The following RFWD3 variants were observed in gnomAD, a reference collection of about 807,000 sequenced individuals.
The protein encoded by RFWD3 is E3 ubiquitin-protein ligase RFWD3.
In RFWD3, 65 loss-of-function variants were observed where a neutral mutation model predicts 87.7. That is an observed-to-expected ratio of 0.74 (90% CI 0.61 to 0.91). The LOEUF is 0.91. RFWD3 is among the 40% of genes least tolerant of loss of function. The probability of loss-of-function intolerance (pLI) is 0.00; values close to 1 mark genes in which losing one functional copy is unlikely to be tolerated. For missense variants in RFWD3, 1,078 were observed against 938.5 expected (o/e 1.15, Z -1.94); for synonymous variants, 433 against 352.8 (o/e 1.23, Z -2.55).
intron 4 of RFWD3, among the ~76,000 whole-genome samples, chr16:74,647,889 G>A (rs1960280358): frequency 6.6e-6 from 1 of 152,146 alleles, no homozygotes. Flanking sequence ...ACCGCGCCCA[G>A]CCCATTATTT....
intron 12 of RFWD3, among the ~76,000 whole-genome samples, chr16:74,625,272 G>C (rs1336988465): frequency 6.6e-6 from 1 of 150,910 alleles, no homozygotes; most frequent in Admixed American, 6.6e-5. Context: ...TGTAATCTTA[G>C]TAGTCTGTGA....
At chr16:74,661,517 A>C in intron 1 of RFWD3, 66 bp from the exon 2 acceptor site, 2 of 1,294,694 alleles carry the variant, frequency 1.5e-6, no homozygotes, top group East Asian at 2.3e-5. Context: ...AGGTGACAGA[A>C]TCATATTTAA....
chr16:74,628,438 C>G lies in RFWD3; in HGVS notation c.1969+14G>C, dbSNP rs765531645. The G allele has an allele frequency of 6.8e-6, 11 of 1,612,830 alleles. No individual in the cohort carries two copies. The Admixed American group carries it at 1.8e-4, about 27-fold the overall frequency. ...GCTCCCAAATAAGCTATGGGAGACC[C>G]CAGCACTACTTACCAGGCCTGTAGG... On this transcript the variant is annotated intron_variant, in intron 11 of 12. Transcript: ENST00000361070.
intron 2 of RFWD3, 194 bp downstream of exon 2, chr16:74,660,738 G>C (rs1961360805): frequency 3.4e-6 from 2 of 595,762 alleles, no homozygotes; most frequent in Non-Finnish European, 5.8e-6. Flanking sequence ...AGTTTTCAAG[G>C]CACAACAGTT....
chr16:74,624,204 C>A (rs1755202315), intron 12 of RFWD3, 133 bp from the exon 13 acceptor site: 4 of 1,076,368 alleles, frequency 3.7e-6, no homozygotes, highest in Non-Finnish European at 5.2e-6. Flanking sequence ...CTGTCCCTAA[C>A]CTTTGCAAGG....
chr16:74,626,590 A>G (rs565118247), intron 11 of RFWD3, 36 bp from the exon 12 acceptor site: 6 of 1,566,198 alleles, frequency 3.8e-6, no homozygotes, highest in Non-Finnish European at 5.3e-6. Flanking sequence ...CACCATGGGG[A>G]CGCTACACAA....
intron 3 of RFWD3, 54 bp downstream of exon 3, chr16:74,651,866 T>A: frequency 6.6e-7 from 1 of 1,520,730 alleles, no homozygotes; most frequent in East Asian, 2.3e-5. Context: ...CCTTCCGAAA[T>A]TTAAGCTTCA....
In RFWD3 at chr16:74,649,131, C is replaced by T. The variant is rs773795460; in HGVS notation, c.792+1G>A. On this transcript the variant is annotated splice_donor_variant, in intron 4 of 12. Coordinates refer to ENST00000361070, the MANE Select transcript of RFWD3 (RefSeq NM_018124.4). LOFTEE classifies it high-confidence loss of function. ...TTTTTTTAAAATGATGTTCATATTA[C>T]CTGTTTGGGGAGGGTCTTGCCTCCA... 1.9e-6 allele frequency: 3 copies of T among 1,563,402 alleles called. No homozygotes were observed. Among genetic ancestry groups the T allele is most frequent in the Non-Finnish European group, 1.7e-6 (2 of 1,155,654 alleles).
At chr16:74,635,208 T>C (rs1450633552) in intron 8 of RFWD3, among the ~76,000 whole-genome samples, 1 of 151,194 alleles carries the variant, frequency 6.6e-6, no homozygotes, top group Non-Finnish European at 1.5e-5. Flanking sequence ...ACCCGAGAGG[T>C]GGAGCTTGCA....
At chr16:74,632,118 C>G (rs961909859) in intron 9 of RFWD3, among the ~76,000 whole-genome samples, 4 of 151,982 alleles carry the variant, frequency 2.6e-5, no homozygotes, top group Non-Finnish European at 4.4e-5. Flanking sequence ...CGGCTGGGCG[C>G]AGTGGCTCAC....
chr16:74,653,697 G>T (rs1487579328), intron 2 of RFWD3, among the ~76,000 whole-genome samples: 2 of 152,034 alleles, frequency 1.3e-5, no homozygotes, highest in East Asian at 3.9e-4. Context: ...ACTGACAGGT[G>T]ACCTACTAGA....
chr16:74,630,830 C>T lies in RFWD3; in HGVS notation c.1705G>A (p.Val569Met), dbSNP rs765886734. 11 of 1,613,058 alleles carry T rather than the reference C, an allele frequency of 6.8e-6. No homozygotes were observed. The highest frequency in any genetic ancestry group is 1.7e-4 in the Middle Eastern group (1 of 6,060). Residue 569 changes from valine (V) to methionine (M), a missense_variant, in exon 10 of 13, where the codon GTG (valine) becomes ATG (methionine). By Grantham distance (21) the Val-to-Met change is conservative. Transcript: ENST00000361070. ...TGCACATGACTGCTCGTGTTTCGCACGTCATATACCAGAATTGAACCATTG... is the reference window on the plus strand; with the variant it reads ...TGCACATGACTGCTCGTGTTTCGCATGTCATATACCAGAATTGAACCATTG... ...LANGSILVYDVRNTSSHVQEL... is the reference protein window; with the variant it reads ...LANGSILVYDMRNTSSHVQEL...
At chr16:74,663,970 AAACACAG>A (rs1961673687) in intron 1 of RFWD3, among the ~76,000 whole-genome samples, 1 of 152,216 alleles carries the variant, frequency 6.6e-6, no homozygotes, top group Non-Finnish European at 1.5e-5. Flanking sequence ...AGCTAAAACA[AAACACAG>A]AACAAAGCCC....
chr16:74,642,867 G>A (rs927266356), intron 6 of RFWD3, among the ~76,000 whole-genome samples: 1 of 152,136 alleles, frequency 6.6e-6, no homozygotes, highest in Non-Finnish European at 1.5e-5. Flanking sequence ...AAGGCTGTTC[G>A]TTTTATTAGT....
In RFWD3 at chr16:74,623,746, T is replaced by G; in HGVS notation, c.*182A>C. Reference sequence around the variant, plus strand: ...CCATCAATTACTCTTTTAGTGGACATAACAGATACACAATCTGTAGTGTCT... The same window carrying G: ...CCATCAATTACTCTTTTAGTGGACAGAACAGATACACAATCTGTAGTGTCT... On this transcript the variant is annotated 3_prime_UTR_variant, in exon 13 of 13. Coordinates refer to ENST00000361070, the MANE Select transcript of RFWD3 (RefSeq NM_018124.4). 1 of 595,262 alleles carries G rather than the reference T, an allele frequency of 1.7e-6. No homozygotes were observed. Among genetic ancestry groups the G allele is most frequent in the South Asian group, 2.3e-5 (1 of 44,168 alleles). The allele number at this position is 595,262 out of a possible 1,614,324, so 36.9% of individuals were successfully genotyped here.
In RFWD3 at chr16:74,666,845, G is replaced by GCCGAAGACTCGGTAGTTTCCTCC. The variant is rs56890104; in HGVS notation, c.-63_-62insGGAGGAAACTACCGAGTCTTCGG. On this transcript the variant is annotated 5_prime_UTR_variant, in exon 1 of 13. Transcript: ENST00000361070. Reference sequence around the variant, plus strand: ...CCGCCGAAGACTCGGTAGTTACCTCGGCCGCACTCCGAATGCACCTACGCC... The same window carrying GCCGAAGACTCGGTAGTTTCCTCC: ...CCGCCGAAGACTCGGTAGTTACCTCGCCGAAGACTCGGTAGTTTCCTCCGCCGCACTCCGAATGCACCTACGCC... The GCCGAAGACTCGGTAGTTTCCTCC allele has an allele frequency of 6.6e-6, 1 of 150,860 alleles. No individual in the cohort carries two copies. Among genetic ancestry groups the GCCGAAGACTCGGTAGTTTCCTCC allele is most frequent in the African/African-American group, 2.4e-5 (1 of 41,052 alleles). The allele number at this position is 150,860 out of a possible 1,614,324, so 9.3% of individuals were successfully genotyped here.
intron 8 of RFWD3, 93 bp downstream of exon 8, chr16:74,636,253 G>T: frequency 1.8e-6 from 2 of 1,120,368 alleles, no homozygotes; most frequent in Non-Finnish European, 2.6e-6. Flanking sequence ...AGGTGATTTG[G>T]TAACCTTTGA....
chr16:74,651,632 A>T (rs1381365063), intron 3 of RFWD3, among the ~76,000 whole-genome samples: 1 of 152,104 alleles, frequency 6.6e-6, no homozygotes, highest in Non-Finnish European at 1.5e-5. Flanking sequence ...CTCAAAAAAG[A>T]AAAAAAAGAA....
chr16:74,653,886 G>T (rs953805904), intron 2 of RFWD3, among the ~76,000 whole-genome samples: 2 of 152,090 alleles, frequency 1.3e-5, no homozygotes, highest in African/African-American at 4.8e-5. Context: ...CAACTCAATA[G>T]ACAGAAGATT....
Sources: gnomAD v4.1 joint callset for allele counts (sites outside exome capture counted in the v4.1 genomes callset) on GRCh38, gnomAD v4.1.1 for gene constraint, MANE v1.5 for transcripts, NCBI Gene and HGNC (gene_info 2026-07-23, HGNC 2026-07-21) for gene names.